The following CACNA1A variants were observed in gnomAD, a reference collection of about 807,000 sequenced individuals.
CACNA1A encodes the protein voltage-dependent P/Q-type calcium channel subunit alpha-1A.
Under a neutral mutation model 262.4 loss-of-function variants are expected in CACNA1A, and 57 were observed. The ratio of observed to expected loss-of-function variants is 0.22; its 90% confidence interval spans 0.18 to 0.27. CACNA1A has a LOEUF of 0.27. Ranked by LOEUF, CACNA1A falls within the 10% of genes least tolerant of loss-of-function variation. CACNA1A has a pLI of 1.00. For synonymous variants in CACNA1A, 1,431 were observed against 1,419.3 expected, an observed-to-expected ratio of 1.01 and a Z score of -0.18; for missense variants, 2,526 against 3,562.8, an observed-to-expected ratio of 0.71 and a Z score of 7.41.
intron 17 of CACNA1A, among the ~76,000 whole-genome samples, chr19:13,301,340 C>G (rs2057784186): frequency 6.6e-6 from 1 of 152,140 alleles, no homozygotes; most frequent in African/African-American, 2.4e-5. Flanking sequence ...CTCTCTGAAC[C>G]AACTTTCAAA....
At position 13,260,053 on chromosome 19, in the gene CACNA1A, T is replaced by C. The variant is rs148402933; in HGVS notation, c.4251-352A>G. 541 of 201,844 alleles carry C rather than the reference T, an allele frequency of 2.7e-3. 1 individual carries two copies. The highest frequency in any genetic ancestry group is 0.011 in the African/African-American group (458 of 43,286). The allele number at this position is 201,844 out of a possible 1,614,324, so 12.5% of individuals were successfully genotyped here. Reference sequence around the variant, plus strand: ...GAGTTTAGGAGGAGGCAGAGAGACATAGGGGACATTTAGAGGTTCATCAGG... The same window carrying C: ...GAGTTTAGGAGGAGGCAGAGAGACACAGGGGACATTTAGAGGTTCATCAGG... On this transcript the variant is annotated intron_variant, in intron 26 of 46. Transcript: ENST00000360228.
intron 3 of CACNA1A, among the ~76,000 whole-genome samples, chr19:13,433,151 G>A (rs10410862): frequency 0.085 from 12,870 of 151,872 alleles, 557 homozygotes; most frequent in South Asian, 0.15. Context: ...AAATTAGCCA[G>A]GCGAGGTAGC....
In CACNA1A at chr19:13,207,824, C is replaced by A. The variant is rs774686258; in HGVS notation, c.7010G>T (p.Gly2337Val). Residue 2337 changes from glycine (G) to valine (V), a missense_variant, in exon 47 of 47, where the codon GGC becomes GTC. Coordinates refer to ENST00000360228, the MANE Select transcript of CACNA1A (RefSeq NM_001127222.2). The surrounding 1 kb of genome is among the most constrained non-coding windows in gnomAD (Gnocchi z 5.7). ...VARPGRAATS[G>V]PRRYPGPTAE... The stretch of plus-strand genomic sequence containing the variant: ...CGTGGGGCCTGGGTACCTCCGAGGG[C>A]CGCTGGTGGCCGCCCGGCCCGGCCT... 6.8e-7 allele frequency: 1 copy of A among 1,462,580 alleles called. No homozygotes were observed. The highest frequency in any genetic ancestry group is 1.4e-5 in the South Asian group (1 of 73,814). The allele number at this position is 1,462,580 out of a possible 1,614,324, so 90.6% of individuals were successfully genotyped here.
intron 1 of CACNA1A, among the ~76,000 whole-genome samples, chr19:13,466,214 T>C (rs4244619): frequency 0.52 from 78,175 of 151,632 alleles, 22,034 homozygotes; most frequent in African/African-American, 0.73. Context: ...TTTGCTTTTT[T>C]TTTTTTCTTT....
At chr19:13,322,495 C>A (rs1173507523) in intron 10 of CACNA1A, among the ~76,000 whole-genome samples, 1 of 152,052 alleles carries the variant, frequency 6.6e-6, no homozygotes, top group African/African-American at 2.4e-5. Context: ...GTAATGGCAA[C>A]TCTGGGAACT....
intron 3 of CACNA1A, among the ~76,000 whole-genome samples, chr19:13,373,670 C>A (rs1429870266): frequency 6.6e-6 from 1 of 152,166 alleles, no homozygotes; most frequent in Non-Finnish European, 1.5e-5. Flanking sequence ...AAGGATTGCC[C>A]TAAATTCTTG....
At chr19:13,294,486 G>GC (rs932080485) in intron 19 of CACNA1A, among the ~76,000 whole-genome samples, 1 of 87,248 alleles carries the variant, frequency 1.1e-5, no homozygotes, top group African/African-American at 5.0e-5. Context: ...ACTGTACCTG[G>GC]CTTTTTTTTT....
chr19:13,379,346 T>C (rs745584281), intron 3 of CACNA1A, among the ~76,000 whole-genome samples: 1 of 152,094 alleles, frequency 6.6e-6, no homozygotes, highest in Non-Finnish European at 1.5e-5. Context: ...TAACAGACTA[T>C]AGTGTAAGCA....
intron 1 of CACNA1A, among the ~76,000 whole-genome samples, chr19:13,502,801 G>A (rs1982541865): frequency 6.6e-6 from 1 of 152,178 alleles, no homozygotes; most frequent in South Asian, 2.1e-4. Context: ...AAATTGCCCC[G>A]AGTGTGGAGA....
chr19:13,266,252 G>A (rs915058286), intron 24 of CACNA1A, among the ~76,000 whole-genome samples: 12 of 152,090 alleles, frequency 7.9e-5, no homozygotes, highest in African/African-American at 2.9e-4. Context: ...GGAATCTCAG[G>A]GGGGAGTGCA....
At chr19:13,491,918 G>A (rs970691689) in intron 1 of CACNA1A, among the ~76,000 whole-genome samples, 1 of 152,142 alleles carries the variant, frequency 6.6e-6, no homozygotes, top group South Asian at 2.1e-4. Context: ...GGAGGAGGCC[G>A]ATACCTATAA....
At position 13,334,266 on chromosome 19, in the gene CACNA1A, T is replaced by C. The variant is rs144081426; in HGVS notation, c.1198+112A>G. ...TTGGGACTACCAATTCAGGTTCTCTTTCTCCTCCCATCATAACCCTCCCAG... is the reference window on the plus strand; with the variant it reads ...TTGGGACTACCAATTCAGGTTCTCTCTCTCCTCCCATCATAACCCTCCCAG... On this transcript the variant is annotated intron_variant, in intron 8 of 46. Transcript: ENST00000360228. 11 of 661,932 alleles carry C rather than the reference T, an allele frequency of 1.7e-5. No homozygotes were observed. In the East Asian group the frequency reaches 2.6e-4, roughly 16 times the overall value. 41.0% of individuals were successfully genotyped at this position (661,932 alleles called of 1,614,324 possible).
chr19:13,293,490 G>A (rs916993346), intron 19 of CACNA1A, among the ~76,000 whole-genome samples: 7 of 122,774 alleles, frequency 5.7e-5, no homozygotes, highest in African/African-American at 9.2e-5. Flanking sequence ...CTGTCTCCCC[G>A]GCTGGAGTGC....
chr19:13,251,222 G>A (rs1222998459), intron 30 of CACNA1A, among the ~76,000 whole-genome samples: 2 of 151,562 alleles, frequency 1.3e-5, no homozygotes, highest in African/African-American at 4.9e-5. Context: ...GGTGGCTCCC[G>A]CCTGTAATCC....
At chr19:13,400,318 G>A (rs1230650145) in intron 3 of CACNA1A, among the ~76,000 whole-genome samples, 1 of 152,114 alleles carries the variant, frequency 6.6e-6, no homozygotes, top group African/African-American at 2.4e-5. Flanking sequence ...TTTTCATGAT[G>A]CCTATTTATA....
intron 5 of CACNA1A, chr19:13,362,353 A>G (rs946532959): frequency 4.0e-5 from 6 of 150,912 alleles, no homozygotes; most frequent in African/African-American, 1.5e-4. Context: ...ACACGCCACC[A>G]TGCCCGGCTA....
intron 38 of CACNA1A, among the ~76,000 whole-genome samples, chr19:13,216,844 A>C (rs2055031341): frequency 6.6e-6 from 1 of 152,082 alleles, no homozygotes; most frequent in Non-Finnish European, 1.5e-5. Flanking sequence ...GGATATGCTA[A>C]CTGGGTTTAC....
chr19:13,259,880 G>A (rs915234232), intron 26 of CACNA1A, 179 bp from the exon 27 acceptor site: 4 of 623,192 alleles, frequency 6.4e-6, no homozygotes, highest in African/African-American at 1.8e-5. Flanking sequence ...GGGATGACGT[G>A]TGCATCTACT....
chr19:13,350,022 AG>A (rs1464014294), intron 6 of CACNA1A, among the ~76,000 whole-genome samples: 1 of 152,090 alleles, frequency 6.6e-6, no homozygotes, highest in African/African-American at 2.4e-5. Context: ...ATGTTGATGG[AG>A]GTTTGTTTTG....
Sources: gnomAD v4.1 joint callset for allele counts (sites outside exome capture counted in the v4.1 genomes callset) on GRCh38, gnomAD v4.1.1 for gene constraint, Gnocchi (gnomAD v3.1) non-coding constraint, MANE v1.5 for transcripts, NCBI Gene and HGNC (gene_info 2026-07-23, HGNC 2026-07-21) for gene names.